The following TMEM178B variants were observed in gnomAD, a reference collection of about 807,000 sequenced individuals.
The protein encoded by TMEM178B is transmembrane protein 178B.
Under a neutral mutation model 31.0 loss-of-function variants are expected in TMEM178B, and 5 were observed. The observed-to-expected ratio is 0.16, with a 90% CI of 0.08 to 0.34. The LOEUF (loss-of-function observed/expected upper bound fraction) is 0.34. Ranked by LOEUF, TMEM178B falls within the 10% of genes least tolerant of loss-of-function variation. TMEM178B has a pLI of 1.00. For synonymous variants in TMEM178B, 164 were observed against 164.0 expected (o/e 1.00, Z 0.00); for missense variants, 275 against 400.3 (o/e 0.69, Z 2.67).
At chr7:141,080,063 T>C (rs780959692) in intron 1 of TMEM178B, among the ~76,000 whole-genome samples, 26 of 152,216 alleles carry the variant, frequency 1.7e-4, no homozygotes, top group Non-Finnish European at 3.5e-4. Flanking sequence ...AATAATACTC[T>C]TGGAATCTCA....
intron 2 of TMEM178B, among the ~76,000 whole-genome samples, chr7:141,297,917 T>A (rs895252400): frequency 6.6e-6 from 1 of 152,220 alleles, no homozygotes; most frequent in South Asian, 2.1e-4. Flanking sequence ...TTCTAGGTCC[T>A]TGAGGAATCG....
chr7:141,306,730 A>G (rs1425369807), intron 2 of TMEM178B, among the ~76,000 whole-genome samples: 1 of 150,298 alleles, frequency 6.7e-6, no homozygotes, highest in Non-Finnish European at 1.5e-5. Flanking sequence ...TCTTTGTGCC[A>G]TCCCTCTGTT....
At chr7:141,195,623 A>G (rs1563114144) in intron 1 of TMEM178B, among the ~76,000 whole-genome samples, 2 of 152,232 alleles carry the variant, frequency 1.3e-5, no homozygotes, top group Non-Finnish European at 2.9e-5. Flanking sequence ...AAACTGTTCC[A>G]GCCTCTGCCT....
At chr7:141,380,147 T>C (rs1229752201) in intron 2 of TMEM178B, among the ~76,000 whole-genome samples, 1 of 152,232 alleles carries the variant, frequency 6.6e-6, no homozygotes, top group Non-Finnish European at 1.5e-5. Flanking sequence ...ATGTGTATTT[T>C]GGGGAATACT....
At chr7:141,098,783 G>A (rs6967482) in intron 1 of TMEM178B, among the ~76,000 whole-genome samples, 92,413 of 152,022 alleles carry the variant, frequency 0.61, 29,473 homozygotes, top group East Asian at 0.76. Context: ...TTCCATGTGC[G>A]TATCTGCATT....
At chr7:141,455,407 A>G (rs1801945335) in intron 3 of TMEM178B, among the ~76,000 whole-genome samples, 1 of 152,196 alleles carries the variant, frequency 6.6e-6, no homozygotes, top group Non-Finnish European at 1.5e-5. Context: ...ATATTTAAAC[A>G]CCACTGTGTG....
intron 2 of TMEM178B, among the ~76,000 whole-genome samples, chr7:141,350,411 G>A (rs193124207): frequency 5.9e-5 from 9 of 152,218 alleles, no homozygotes; most frequent in African/African-American, 2.2e-4. Flanking sequence ...TGAGAGGAGG[G>A]ACATTGTTTT....
At chr7:141,211,505 A>T (rs1797052117) in intron 1 of TMEM178B, among the ~76,000 whole-genome samples, 3 of 152,236 alleles carry the variant, frequency 2.0e-5, no homozygotes, top group South Asian at 2.1e-4. Flanking sequence ...AAAATGGATT[A>T]CCATCAAAAT....
intron 2 of TMEM178B, among the ~76,000 whole-genome samples, chr7:141,333,551 G>A (rs2116494367): frequency 6.6e-6 from 1 of 152,322 alleles, no homozygotes; most frequent in South Asian, 2.1e-4. Context: ...TAGCATTTGA[G>A]AGAAATGCCT....
At chr7:141,285,154 C>CTTTTTTTTTTTTTTT (rs1030685003) in intron 2 of TMEM178B, among the ~76,000 whole-genome samples, 2 of 52,810 alleles carry the variant, frequency 3.8e-5, no homozygotes, top group East Asian at 5.2e-4. Context: ...ATTCTTGTTT[C>CTTTTTTTTTTTTTTT]TTTTTTTTTT....
Position 141,140,279 on chromosome 7 carries a change from T to A in TMEM178B, c.382+65587T>A, listed in dbSNP as rs938945804. 9.2e-5 allele frequency among the ~76,000 whole-genome samples: 14 copies of A among 152,206 alleles called. No individual in the cohort carries two copies. The South Asian group carries it at 2.9e-3, about 32-fold the overall frequency. On this transcript the variant is annotated intron_variant, in intron 1 of 3. Transcript: ENST00000565468. ...CGAAGATCTGAACTTTCTCCTCTCC[T>A]TACACGACTCAGACCTTCAAGTGCA...
At chr7:141,136,220 G>A (rs1022668003) in intron 1 of TMEM178B, among the ~76,000 whole-genome samples, 1 of 151,958 alleles carries the variant, frequency 6.6e-6, no homozygotes, top group African/African-American at 2.4e-5. Flanking sequence ...CAGAAATAAA[G>A]CCACATATTT....
intron 2 of TMEM178B, among the ~76,000 whole-genome samples, chr7:141,378,041 A>G (rs908861737): frequency 3.3e-4 from 50 of 152,214 alleles, no homozygotes; most frequent in Admixed American, 3.2e-3. Flanking sequence ...GCATTTAGTC[A>G]TCGTGTCTCC....
chr7:141,434,384 A>G (rs1672615815), intron 2 of TMEM178B, among the ~76,000 whole-genome samples: 1 of 152,204 alleles, frequency 6.6e-6, no homozygotes, highest in South Asian at 2.1e-4. Context: ...TGTCCTGTCT[A>G]GTGCTGCTGA....
chr7:141,113,254 G>C (rs897602802), intron 1 of TMEM178B, among the ~76,000 whole-genome samples: 7 of 152,062 alleles, frequency 4.6e-5, no homozygotes, highest in Non-Finnish European at 8.8e-5. Context: ...AGTCCATTTT[G>C]TTCTCACTCA....
At chr7:141,431,727 G>T (rs2116670591) in intron 2 of TMEM178B, among the ~76,000 whole-genome samples, 1 of 152,266 alleles carries the variant, frequency 6.6e-6, no homozygotes, top group African/African-American at 2.4e-5. Flanking sequence ...CAGAGTTAGG[G>T]TTTCCTCCTT....
At chr7:141,348,261 T>G (rs1345039471) in intron 2 of TMEM178B, among the ~76,000 whole-genome samples, 1 of 152,258 alleles carries the variant, frequency 6.6e-6, no homozygotes, top group Non-Finnish European at 1.5e-5. Context: ...AAGCAAAGTT[T>G]CCTTTGTAAT....
At chr7:141,081,247 T>C (rs1344098212) in intron 1 of TMEM178B, among the ~76,000 whole-genome samples, 1 of 150,334 alleles carries the variant, frequency 6.7e-6, no homozygotes, top group Non-Finnish European at 1.5e-5. Flanking sequence ...CTTAGGCTAA[T>C]GTGTGTGTGT....
intron 2 of TMEM178B, among the ~76,000 whole-genome samples, chr7:141,239,580 G>C (rs1384068772): frequency 1.3e-5 from 2 of 152,128 alleles, no homozygotes; most frequent in Admixed American, 1.3e-4. Context: ...TCTCAGCAGG[G>C]GGATGACTAG....
Sources: gnomAD v4.1 joint callset for allele counts (sites outside exome capture counted in the v4.1 genomes callset) on GRCh38, gnomAD v4.1.1 for gene constraint, MANE v1.5 for transcripts, NCBI Gene and HGNC (gene_info 2026-07-23, HGNC 2026-07-21) for gene names.